The following ADAMTS17 variants were observed in gnomAD, a reference collection of about 807,000 sequenced individuals.
ADAMTS17 encodes A disintegrin and metalloproteinase with thrombospondin motifs 17.
In ADAMTS17, 113 loss-of-function variants were observed where a neutral mutation model predicts 141.5. The observed-to-expected ratio is 0.80, with a 90% CI of 0.69 to 0.93. The LOEUF is 0.93. ADAMTS17 is among the 40% of genes least tolerant of loss of function. The pLI is 0.00. For missense variants in ADAMTS17, 1,659 were observed against 1,517.9 expected (o/e 1.09, Z -1.54); for synonymous variants, 768 against 630.6 (o/e 1.22, Z -3.27).
At chr15:100,182,056 C>G (rs1486588425) in intron 8 of ADAMTS17, among the ~76,000 whole-genome samples, 3 of 152,214 alleles carry the variant, frequency 2.0e-5, no homozygotes, top group Non-Finnish European at 4.4e-5. Context: ...CTGAGCTCAG[C>G]CCGGTTTTGC....
rs185582795 is a variant in ADAMTS17, at chr15:99,973,087, G to A, written c.*1315C>T. The A allele has an allele frequency of 4.0e-3, 604 of 152,178 alleles. 1 individual carries two copies. The highest frequency in any genetic ancestry group is 8.3e-3 in the South Asian group (40 of 4,806). The allele number at this position is 152,178 out of a possible 1,614,324, so 9.4% of individuals were successfully genotyped here. A position where few individuals can be genotyped will look rare whatever the true frequency, so the allele number is the denominator to read the frequency against. ...CCCTGCCCGGCCTCCTTGCAGGTAG[G>A]GTGCTACCATCCTCTGTGCTCTCAA... On this transcript the variant is annotated 3_prime_UTR_variant, in exon 22 of 22. Transcript: ENST00000268070.
At chr15:100,233,902 C>A (rs1212393760) in intron 7 of ADAMTS17, among the ~76,000 whole-genome samples, 1 of 152,054 alleles carries the variant, frequency 6.6e-6, no homozygotes, top group Non-Finnish European at 1.5e-5. Context: ...GGCAGGAGAA[C>A]CCTGGGCCAC....
Position 99,972,754 on chromosome 15 carries a change from C to T in ADAMTS17, c.*1648G>A. On this transcript the variant is annotated 3_prime_UTR_variant, in exon 22 of 22. Coordinates refer to ENST00000268070, the MANE Select transcript of ADAMTS17 (RefSeq NM_139057.4). Reference sequence around the variant, plus strand: ...TGGAAGTGAGTAAATTCCCTGACATCCCTACCGCTTCTCTGCCTCTAGGGT... The same window carrying T: ...TGGAAGTGAGTAAATTCCCTGACATTCCTACCGCTTCTCTGCCTCTAGGGT... The T allele has an allele frequency of 6.6e-6, 1 of 152,184 alleles. No individual in the cohort carries two copies. Among genetic ancestry groups the T allele is most frequent in the East Asian group, 1.9e-4 (1 of 5,184 alleles). 9.4% of individuals were successfully genotyped at this position (152,184 alleles called of 1,614,324 possible). A position where few individuals can be genotyped will look rare whatever the true frequency, so the allele number is the denominator to read the frequency against.
chr15:100,133,252 C>T lies in ADAMTS17; in HGVS notation c.1537G>A (p.Asp513Asn). ...EGDTSCKTKL[D>N]PPLDGTECGA... ...CACTCGGTGCCATCCAGGGGAGGGT[C>T]CAGCTTGGTCTTGCAGGATGTGTCT... Residue 513 changes from aspartate to asparagine, a missense_variant, in exon 11 of 22, where the codon GAC (aspartate) becomes AAC (asparagine). By Grantham distance (23) the Asp-to-Asn change is conservative (BLOSUM62 1). Transcript: ENST00000268070. 6.3e-7 allele frequency: 1 copy of T among 1,599,772 alleles called. No homozygotes were observed. Among genetic ancestry groups the T allele is most frequent in the Non-Finnish European group, 8.5e-7 (1 of 1,172,054 alleles).
chr15:100,079,308 T>C (rs1014748103), intron 15 of ADAMTS17, among the ~76,000 whole-genome samples: 1 of 152,122 alleles, frequency 6.6e-6, no homozygotes, highest in Non-Finnish European at 1.5e-5. Context: ...CAAATACCAA[T>C]CAACCAATGA....
rs147202514 is a variant in ADAMTS17, at chr15:100,008,145, G to A, written c.2592-10556C>T. Among the ~76,000 whole-genome samples the A allele has an allele frequency of 2.2e-4, 34 of 152,184 alleles. No individual in the cohort carries two copies. In the East Asian group the frequency reaches 4.5e-3, roughly 20 times the overall value. On this transcript the variant is annotated intron_variant, in intron 18 of 21. Transcript: ENST00000268070. ...GTGGTCCCAATGCCTCTTAAGAAACGTGGTCTGATGCTTGCTGAGTGGGCT... is the reference window on the plus strand; with the variant it reads ...GTGGTCCCAATGCCTCTTAAGAAACATGGTCTGATGCTTGCTGAGTGGGCT...
intron 8 of ADAMTS17, among the ~76,000 whole-genome samples, chr15:100,167,325 C>T (rs1326532187): frequency 6.6e-6 from 1 of 152,186 alleles, no homozygotes; most frequent in African/African-American, 2.4e-5. Flanking sequence ...GTGTAGACAT[C>T]AGGAGCTGAA....
At chr15:100,117,052 C>A in intron 12 of ADAMTS17, 39 bp from the exon 13 acceptor site, 3 of 1,564,610 alleles carry the variant, frequency 1.9e-6, no homozygotes, top group Non-Finnish European at 2.6e-6. Context: ...CCAGGTGGTG[C>A]GACCAAAGGG....
At chr15:100,275,740 C>T (rs139063285) in intron 4 of ADAMTS17, among the ~76,000 whole-genome samples, 117 of 151,998 alleles carry the variant, frequency 7.7e-4, no homozygotes, top group Admixed American at 2.1e-3. Context: ...CCATCTGGGA[C>T]AGCTGGTGCA....
intron 7 of ADAMTS17, among the ~76,000 whole-genome samples, chr15:100,202,266 C>G (rs374296840): frequency 1.3e-5 from 2 of 152,182 alleles, no homozygotes; most frequent in Admixed American, 6.5e-5. Context: ...AAGCAAGGAG[C>G]CTTCCAATAA....
intron 18 of ADAMTS17, among the ~76,000 whole-genome samples, chr15:100,014,766 A>C (rs937355343): frequency 3.9e-5 from 6 of 152,144 alleles, no homozygotes; most frequent in Non-Finnish European, 8.8e-5. Flanking sequence ...ATTGAGGCTC[A>C]TTTTATGGCC....
intron 15 of ADAMTS17, among the ~76,000 whole-genome samples, chr15:100,060,188 G>A (rs4965275): frequency 0.16 from 23,943 of 152,134 alleles, 2,420 homozygotes; most frequent in African/African-American, 0.28. Context: ...ATTTCGCCTG[G>A]GCCAGAGATT....
chr15:100,071,687 G>A (rs1427321837), intron 15 of ADAMTS17, among the ~76,000 whole-genome samples: 1 of 150,248 alleles, frequency 6.7e-6, no homozygotes, highest in Non-Finnish European at 1.5e-5. Context: ...ATGCAGAAAA[G>A]GCCTTTGACA....
intron 8 of ADAMTS17, among the ~76,000 whole-genome samples, chr15:100,199,083 GC>G (rs2041225311): frequency 2.6e-5 from 4 of 152,186 alleles, no homozygotes; most frequent in Admixed American, 2.6e-4. Flanking sequence ...TAGTCTGTTG[GC>G]TTTAAGAATA....
chr15:100,218,804 C>CA (rs200766355), intron 7 of ADAMTS17, among the ~76,000 whole-genome samples: 6,980 of 152,062 alleles, frequency 0.046, 519 homozygotes, highest in African/African-American at 0.16. Context: ...TTCACAATAT[C>CA]AAAAAAATGG....
At chr15:100,298,489 C>T (rs930993277) in intron 3 of ADAMTS17, among the ~76,000 whole-genome samples, 1 of 152,124 alleles carries the variant, frequency 6.6e-6, no homozygotes, top group Non-Finnish European at 1.5e-5. Flanking sequence ...CATGTTTTTG[C>T]ATGCAAAAAC....
chr15:100,131,345 G>A (rs1396046582), intron 12 of ADAMTS17, among the ~76,000 whole-genome samples: 1 of 135,514 alleles, frequency 7.4e-6, no homozygotes, highest in East Asian at 2.2e-4. Context: ...TTCTGCACAT[G>A]TACCCCAGAA....
At chr15:99,982,496 A>AT (rs2060500949) in intron 20 of ADAMTS17, among the ~76,000 whole-genome samples, 1 of 152,340 alleles carries the variant, frequency 6.6e-6, no homozygotes, top group Admixed American at 6.5e-5. Context: ...GAGCTGGGCC[A>AT]TGGTGGGCGC....
At chr15:100,229,026 G>C (rs1294812278) in intron 7 of ADAMTS17, among the ~76,000 whole-genome samples, 3 of 152,194 alleles carry the variant, frequency 2.0e-5, no homozygotes, top group African/African-American at 7.2e-5. Flanking sequence ...AGTGACATTT[G>C]GGCCCCCTTC....
Sources: allele counts gnomAD v4.1 joint callset (sites outside exome capture counted in the v4.1 genomes callset), GRCh38; gene constraint gnomAD v4.1.1; transcripts MANE v1.5; gene names NCBI Gene and HGNC (gene_info 2026-07-23, HGNC 2026-07-21).